The following SPIRE1 variants were observed in gnomAD, a reference collection of about 807,000 sequenced individuals.
The protein encoded by SPIRE1 is spire type actin nucleation factor 1, also known as protein spire homolog 1.
In SPIRE1, 40 loss-of-function variants were observed where a neutral mutation model predicts 94.1. The ratio of observed to expected loss-of-function variants is 0.43; its 90% CI spans 0.33 to 0.55. The LOEUF is 0.55. SPIRE1 is among the 20% of genes least tolerant of loss of function. The pLI is 0.06. For synonymous variants in SPIRE1, 376 were observed against 371.7 expected (o/e 1.01, Z -0.13); for missense variants, 838 against 975.2 (o/e 0.86, Z 1.87).
intron 8 of SPIRE1, among the ~76,000 whole-genome samples, chr18:12,491,419 C>T (rs1266363060): frequency 6.6e-6 from 1 of 151,924 alleles, no homozygotes; most frequent in African/African-American, 2.4e-5. Flanking sequence ...ATAACAAAAA[C>T]AGCATGGTAC....
Position 12,607,844 on chromosome 18 carries a change from T to C in SPIRE1, c.372+27218A>G, listed in dbSNP as rs148095265. 4.0e-4 allele frequency among the ~76,000 whole-genome samples: 61 copies of C among 152,236 alleles called. No homozygotes were observed. The East Asian group carries it at 8.1e-3, about 20-fold the overall frequency. ...CCCATACCCTAATGTGATTATCACA[T>C]TGCATGCCTGTATCAAAATATCTCA... On this transcript the variant is annotated intron_variant, in intron 2 of 16. Coordinates refer to ENST00000409402, the MANE Select transcript of SPIRE1 (RefSeq NM_001128626.2).
rs181108684 is a variant in SPIRE1, at chr18:12,595,373, G to A, written c.372+39689C>T. 1.8e-4 allele frequency among the ~76,000 whole-genome samples: 28 copies of A among 152,160 alleles called. No individual in the cohort carries two copies. The East Asian group carries it at 4.4e-3, about 24-fold the overall frequency. ...AATATGTATTAACTGTTATGTTACC[G>A]GTAAGACTTTCAATCAAAACTTAAG... is the stretch of plus-strand genomic sequence containing the variant. On this transcript the variant is annotated intron_variant, in intron 2 of 16. Coordinates refer to ENST00000409402, the MANE Select transcript of SPIRE1 (RefSeq NM_001128626.2).
intron 2 of SPIRE1, among the ~76,000 whole-genome samples, chr18:12,570,038 G>A (rs1384754273): frequency 6.6e-6 from 1 of 152,188 alleles, no homozygotes; most frequent in Admixed American, 6.5e-5. Flanking sequence ...CTATTGAATA[G>A]CAGCACACAC....
chr18:12,584,484 G>A (rs2036339748), intron 2 of SPIRE1, among the ~76,000 whole-genome samples: 1 of 151,748 alleles, frequency 6.6e-6, no homozygotes, highest in Admixed American at 6.6e-5. Context: ...AAGAACCAAA[G>A]AAGTATTTCA....
chr18:12,611,893 C>CA (rs1319089268), intron 2 of SPIRE1, among the ~76,000 whole-genome samples: 2 of 151,718 alleles, frequency 1.3e-5, no homozygotes, highest in Non-Finnish European at 2.9e-5. Context: ...AGGCTGGTCT[C>CA]AAACTCCTGA....
intron 1 of SPIRE1, among the ~76,000 whole-genome samples, chr18:12,648,244 A>G (rs982618904): frequency 2.0e-5 from 3 of 152,184 alleles, no homozygotes; most frequent in African/African-American, 7.2e-5. Flanking sequence ...AAAGAACAAC[A>G]TATTAAAAAA....
chr18:12,472,886 G>T lies in SPIRE1; in HGVS notation c.1404+6813C>A, dbSNP rs577599282. 2.4e-4 allele frequency among the ~76,000 whole-genome samples: 37 copies of T among 152,292 alleles called. No individual in the cohort carries two copies. In the East Asian group the frequency reaches 7.2e-3, roughly 29 times the overall value. ...TGGCTCACTGCAACCTCCACCTCCTGGGTTCAAGCAATTCTCCTGCCTCAG... is the reference window on the plus strand; with the variant it reads ...TGGCTCACTGCAACCTCCACCTCCTTGGTTCAAGCAATTCTCCTGCCTCAG... On this transcript the variant is annotated intron_variant, in intron 10 of 16. Transcript: ENST00000409402.
intron 2 of SPIRE1, among the ~76,000 whole-genome samples, chr18:12,618,575 T>A (rs2037376843): frequency 6.6e-6 from 1 of 152,154 alleles, no homozygotes; most frequent in Non-Finnish European, 1.5e-5. Context: ...CTATCTATAC[T>A]TTTTAATCTT....
intron 10 of SPIRE1, among the ~76,000 whole-genome samples, chr18:12,473,963 TTAAA>T (rs1267383919): frequency 1.3e-5 from 2 of 152,104 alleles, no homozygotes; most frequent in East Asian, 3.9e-4. Flanking sequence ...GAAAAGGAGA[TTAAA>T]TAAGATCACG....
chr18:12,581,576 A>G (rs1337318133), intron 2 of SPIRE1, among the ~76,000 whole-genome samples: 2 of 152,090 alleles, frequency 1.3e-5, no homozygotes, highest in Admixed American at 1.3e-4. Context: ...AAAATTCATT[A>G]TGACAGGCCA....
intron 2 of SPIRE1, among the ~76,000 whole-genome samples, chr18:12,594,404 G>T (rs1254154186): frequency 6.6e-6 from 1 of 152,140 alleles, no homozygotes; most frequent in African/African-American, 2.4e-5. Context: ...CATTAAAAAT[G>T]ATGTTGAAAT....
intron 4 of SPIRE1, among the ~76,000 whole-genome samples, chr18:12,525,024 C>G (rs2034465698): frequency 1.3e-5 from 2 of 150,868 alleles, no homozygotes; most frequent in Non-Finnish European, 3.0e-5. Context: ...CGCCTGTAAT[C>G]CCAGCACTTT....
chr18:12,548,604 C>CTTTTTTTTTT (rs59811774), intron 2 of SPIRE1, among the ~76,000 whole-genome samples: 1 of 144,262 alleles, frequency 6.9e-6, no homozygotes, highest in Non-Finnish European at 1.5e-5. Context: ...TCTTTTCTTT[C>CTTTTTTTTTT]TTTTTTTTTT....
rs2030955768 is a variant in SPIRE1 at position 12,446,834 on chromosome 18, C to G, written c.*2804G>C. 6.6e-6 allele frequency: 1 copy of G among 152,164 alleles called. No homozygotes were observed. The highest frequency in any genetic ancestry group is 2.4e-5 in the African/African-American group (1 of 41,438). 9.4% of individuals were successfully genotyped at this position (152,164 alleles called of 1,614,324 possible). The stretch of plus-strand genomic sequence containing the variant: ...AATTTCATAGTACGAGTTCATGGTG[C>G]TAATAACAGAATCTCTTTAAACATA... On this transcript the variant is annotated 3_prime_UTR_variant, in exon 17 of 17. Transcript: ENST00000409402.
intron 1 of SPIRE1, among the ~76,000 whole-genome samples, chr18:12,637,158 G>T (rs2037953085): frequency 6.6e-6 from 1 of 152,160 alleles, no homozygotes; most frequent in African/African-American, 2.4e-5. Flanking sequence ...AGGAGATTGA[G>T]ACTATCCTGG....
At chr18:12,463,607 G>T in intron 11 of SPIRE1, 114 bp from the exon 12 acceptor site, 2 of 826,886 alleles carry the variant, frequency 2.4e-6, no homozygotes, top group Non-Finnish European at 3.7e-6. Flanking sequence ...TCATTGGAGA[G>T]ATATTTTAAG....
At chr18:12,630,396 G>A (rs567470400) in intron 2 of SPIRE1, among the ~76,000 whole-genome samples, 5 of 151,942 alleles carry the variant, frequency 3.3e-5, no homozygotes, top group African/African-American at 4.8e-5. Context: ...ACAGTGGCTC[G>A]TGCCTGTAAT....
At chr18:12,641,519 C>T (rs568448854) in intron 1 of SPIRE1, among the ~76,000 whole-genome samples, 1 of 152,180 alleles carries the variant, frequency 6.6e-6, no homozygotes, top group Admixed American at 6.5e-5. Context: ...CAGGCACACA[C>T]TACCATGCCC....
intron 2 of SPIRE1, among the ~76,000 whole-genome samples, chr18:12,569,465 T>C (rs973061403): frequency 4.6e-5 from 7 of 152,028 alleles, no homozygotes; most frequent in Non-Finnish European, 8.8e-5. Flanking sequence ...CAGAAAAGCA[T>C]ATACCTAGTT....
Sources: gnomAD v4.1 joint callset for allele counts (sites outside exome capture counted in the v4.1 genomes callset) on GRCh38, gnomAD v4.1.1 for gene constraint, MANE v1.5 for transcripts, NCBI Gene and HGNC (gene_info 2026-07-23, HGNC 2026-07-21) for gene names.